Variants in LHPP observed in about 807,000 individuals in gnomAD.
The protein encoded by LHPP is hLHPP.
LHPP carries 24 observed loss-of-function variants against 30.3 expected under a neutral mutation model. That is an observed-to-expected ratio of 0.79 (90% CI 0.57 to 1.11). LHPP has a LOEUF of 1.11. Among genes scored for constraint, LHPP ranks in the 50% most tolerant of loss-of-function variants. The probability of loss-of-function intolerance (pLI) is 0.00; values close to 1 mark genes in which losing one functional copy is unlikely to be tolerated. For missense variants in LHPP, 356 were observed against 367.2 expected (o/e 0.97, Z 0.25); for synonymous variants, 150 against 157.1 (o/e 0.95, Z 0.34).
At chr10:124,512,862 C>T (rs1954341252) in intron 5 of LHPP, among the ~76,000 whole-genome samples, 1 of 152,240 alleles carries the variant, frequency 6.6e-6, no homozygotes, top group East Asian at 1.9e-4. Flanking sequence ...GGCCCGCCCC[C>T]TCTTTCTGTG....
chr10:124,572,691 GAGGA>G (rs1316437257), intron 6 of LHPP, among the ~76,000 whole-genome samples: 18 of 144,598 alleles, frequency 1.2e-4, no homozygotes, highest in African/African-American at 4.6e-4. Context: ...GGAAGGGAGG[GAGGA>G]AGGAAGGGAG....
chr10:124,577,482 G>A (rs973977163), intron 6 of LHPP, among the ~76,000 whole-genome samples: 3 of 152,172 alleles, frequency 2.0e-5, no homozygotes, highest in Non-Finnish European at 4.4e-5. Flanking sequence ...ACACACCTCC[G>A]GCTTTCAGGT....
At chr10:124,604,450 A>G (rs968289384) in intron 6 of LHPP, among the ~76,000 whole-genome samples, 1 of 152,170 alleles carries the variant, frequency 6.6e-6, no homozygotes, top group Non-Finnish European at 1.5e-5. Flanking sequence ...AGTGTGTGTG[A>G]TGTACCGGTG....
intron 6 of LHPP, chr10:124,545,849 T>C (rs902341057): frequency 6.6e-6 from 1 of 152,126 alleles, no homozygotes; most frequent in South Asian, 2.1e-4. Flanking sequence ...GGAAGTTCAG[T>C]TGGGGGGAAA....
chr10:124,588,189 C>T (rs750985321), intron 6 of LHPP, among the ~76,000 whole-genome samples: 23 of 152,268 alleles, frequency 1.5e-4, no homozygotes, highest in Non-Finnish European at 2.8e-4. Flanking sequence ...AGGCACAACA[C>T]GCGTCCCTCA....
chr10:124,494,589 TGCA>T (rs1953647894), intron 3 of LHPP, among the ~76,000 whole-genome samples: 1 of 152,136 alleles, frequency 6.6e-6, no homozygotes, highest in Non-Finnish European at 1.5e-5. Context: ...TTTGAGGGCC[TGCA>T]GAGGGCCTTG....
chr10:124,492,941 A>G (rs1022475307), intron 3 of LHPP, among the ~76,000 whole-genome samples: 1 of 152,170 alleles, frequency 6.6e-6, no homozygotes, highest in Admixed American at 6.5e-5. Flanking sequence ...TAATCCCAGC[A>G]CTTTGGGAGG....
At chr10:124,556,708 T>C (rs2133966110) in intron 6 of LHPP, among the ~76,000 whole-genome samples, 1 of 152,344 alleles carries the variant, frequency 6.6e-6, no homozygotes, top group South Asian at 2.1e-4. Flanking sequence ...CAGTGTCATT[T>C]TTAAAACGCG....
intron 6 of LHPP, among the ~76,000 whole-genome samples, chr10:124,568,956 GGCTCCCAGCGT>G (rs1948540868): frequency 2.0e-5 from 3 of 151,548 alleles, no homozygotes; most frequent in South Asian, 4.2e-4. Flanking sequence ...TCCCCCCCAC[GGCTCCCAGCGT>G]GCTCCCAGCG....
chr10:124,544,846 A>G (rs768053886), intron 6 of LHPP, among the ~76,000 whole-genome samples: 1 of 152,190 alleles, frequency 6.6e-6, no homozygotes, highest in Non-Finnish European at 1.5e-5. Context: ...CTCCTGGTGC[A>G]GACACCATCA....
At position 124,484,209 on chromosome 10, in the gene LHPP, G is replaced by A. The variant is rs777329392; in HGVS notation, c.196G>A (p.Gly66Arg). ...ESQKSRAELVGQLQRLGFDIS... is the reference protein window; with the variant it reads ...ESQKSRAELVRQLQRLGFDIS... ...GCAGAAGTCCCGGGCAGAGCTGGTG[G>A]GGCAGCTTCAGAGGCTGGGATTTGA... The change falls in exon 2 of 7, where the codon GGG becomes AGG. Residue 66 changes from glycine to arginine, a missense_variant. Physicochemically the swap from Gly to Arg is moderately radical, Grantham distance 125. Transcript: ENST00000368842. The A allele has an allele frequency of 4.3e-6, 7 of 1,613,994 alleles. No homozygotes were observed. The highest frequency in any genetic ancestry group is 5.1e-6 in the Non-Finnish European group (6 of 1,180,024).
chr10:124,574,298 C>T (rs1044813093), intron 6 of LHPP, among the ~76,000 whole-genome samples: 6 of 152,060 alleles, frequency 3.9e-5, no homozygotes, highest in East Asian at 1.9e-4. Context: ...GGGCGTGAGC[C>T]GGGAGCATCG....
chr10:124,495,987 C>A (rs543790373), intron 3 of LHPP, among the ~76,000 whole-genome samples: 83 of 152,316 alleles, frequency 5.4e-4, no homozygotes, highest in African/African-American at 1.9e-3. Context: ...AGTCAGCATG[C>A]GCTCTTCTTC....
intron 1 of LHPP, among the ~76,000 whole-genome samples, chr10:124,480,590 C>G (rs1276926446): frequency 6.6e-6 from 1 of 152,186 alleles, no homozygotes; most frequent in African/African-American, 2.4e-5. Context: ...AACTTGGGTG[C>G]AAATCACACG....
At chr10:124,558,993 TC>T (rs1948348587) in intron 6 of LHPP, among the ~76,000 whole-genome samples, 1 of 152,188 alleles carries the variant, frequency 6.6e-6, no homozygotes, top group Non-Finnish European at 1.5e-5. Context: ...ACAGCTGGCT[TC>T]CTGCACCCGG....
chr10:124,512,923 G>A (rs1954343434), intron 5 of LHPP, among the ~76,000 whole-genome samples: 1 of 152,176 alleles, frequency 6.6e-6, no homozygotes, highest in South Asian at 2.1e-4. Flanking sequence ...CGTCCTTGCA[G>A]GCAGAGTCCA....
chr10:124,569,007 C>T (rs1948541409), intron 6 of LHPP, among the ~76,000 whole-genome samples: 1 of 152,192 alleles, frequency 6.6e-6, no homozygotes, highest in Admixed American at 6.5e-5. Flanking sequence ...AATTAAGACA[C>T]GGGCTTGGAG....
intron 6 of LHPP, among the ~76,000 whole-genome samples, chr10:124,603,741 C>T (rs1012141846): frequency 6.6e-6 from 1 of 152,192 alleles, no homozygotes; most frequent in Admixed American, 6.5e-5. Flanking sequence ...TGCCAGGACC[C>T]AGCTGGCTTC....
At chr10:124,589,249 G>A (rs118004263) in intron 6 of LHPP, among the ~76,000 whole-genome samples, 4,975 of 152,326 alleles carry the variant, frequency 0.033, 142 homozygotes, top group Non-Finnish European at 0.049. Flanking sequence ...GGCGGTGGCC[G>A]TGCTCGCAGC....
Sources: allele counts gnomAD v4.1 joint callset (sites outside exome capture counted in the v4.1 genomes callset), GRCh38; gene constraint gnomAD v4.1.1; transcripts MANE v1.5; gene names NCBI Gene and HGNC (gene_info 2026-07-23, HGNC 2026-07-21).